The following INPP4B variants were observed in gnomAD, a reference collection of about 807,000 sequenced individuals.
INPP4B encodes the protein inositol polyphosphate 4-phosphatase type II.
INPP4B carries 55 observed loss-of-function variants against 122.5 expected under a neutral mutation model. The ratio of observed to expected loss-of-function variants is 0.45; its 90% CI spans 0.36 to 0.56. INPP4B has a LOEUF of 0.56. INPP4B is among the 20% of genes least tolerant of loss of function. The probability of loss-of-function intolerance (pLI) is 0.00; values close to 1 mark genes in which losing one functional copy is unlikely to be tolerated. For synonymous variants in INPP4B, 403 were observed against 388.7 expected, an observed-to-expected ratio of 1.04 and a Z score of -0.43; for missense variants, 1,000 against 1,097.7, an observed-to-expected ratio of 0.91 and a Z score of 1.26.
intron 9 of INPP4B, among the ~76,000 whole-genome samples, chr4:142,289,688 A>C (rs1755490652): frequency 6.6e-6 from 1 of 152,144 alleles, no homozygotes; most frequent in African/African-American, 2.4e-5. Flanking sequence ...ATCTCCATCC[A>C]TGTCCCTGCA....
intron 18 of INPP4B, among the ~76,000 whole-genome samples, chr4:142,145,118 A>G (rs1307277832): frequency 6.6e-6 from 1 of 152,136 alleles, no homozygotes; most frequent in African/African-American, 2.4e-5. Flanking sequence ...CAACAAAAAG[A>G]AAATTTCAAA....
intron 10 of INPP4B, among the ~76,000 whole-genome samples, chr4:142,268,346 A>AAAAAAAAAAAAAAAAAAAAC (rs79776246): frequency 6.9e-6 from 1 of 144,954 alleles, no homozygotes; most frequent in African/African-American, 2.5e-5. Context: ...AAAAAAAAAA[A>AAAAAAAAAAAAAAAAAAAAC]TGAGGGGTAA....
At chr4:142,044,211 C>T (rs1749972659) in intron 25 of INPP4B, among the ~76,000 whole-genome samples, 1 of 151,946 alleles carries the variant, frequency 6.6e-6, no homozygotes, top group Non-Finnish European at 1.5e-5. Flanking sequence ...AGGATCTATG[C>T]CATGGATCTA....
At chr4:142,645,929 G>A (rs953221434) in intron 2 of INPP4B, among the ~76,000 whole-genome samples, 1 of 152,098 alleles carries the variant, frequency 6.6e-6, no homozygotes, top group Non-Finnish European at 1.5e-5. Context: ...ATTTTCATAG[G>A]CTGGGACTTT....
At chr4:142,683,488 T>C (rs758323944) in intron 2 of INPP4B, among the ~76,000 whole-genome samples, 3 of 151,750 alleles carry the variant, frequency 2.0e-5, no homozygotes, top group Admixed American at 6.6e-5. Flanking sequence ...CAGAGAAACA[T>C]GCTGTAGGAG....
intron 1 of INPP4B, among the ~76,000 whole-genome samples, chr4:142,828,996 C>A (rs1454042183): frequency 2.0e-5 from 3 of 150,786 alleles, no homozygotes; most frequent in Middle Eastern, 3.5e-3. Context: ...TTCTGATGAA[C>A]TTTAGCCAGG....
chr4:142,198,170 A>AC (rs1839151350), intron 14 of INPP4B, among the ~76,000 whole-genome samples: 1 of 152,028 alleles, frequency 6.6e-6, no homozygotes, highest in Non-Finnish European at 1.5e-5. Flanking sequence ...AACTGACCGG[A>AC]CCTATATTAT....
chr4:142,807,691 A>C (rs1029564200), intron 1 of INPP4B, among the ~76,000 whole-genome samples: 2 of 152,138 alleles, frequency 1.3e-5, no homozygotes, highest in African/African-American at 4.8e-5. Flanking sequence ...TTTGTGTCCT[A>C]CTCAGCAACA....
chr4:142,085,830 G>T (rs961813526), intron 24 of INPP4B, among the ~76,000 whole-genome samples: 11 of 152,294 alleles, frequency 7.2e-5, no homozygotes, highest in African/African-American at 2.6e-4. Flanking sequence ...AAAATCCTGG[G>T]TGATACGGGC....
chr4:142,575,242 A>C (rs574607127), intron 2 of INPP4B, among the ~76,000 whole-genome samples: 13 of 152,056 alleles, frequency 8.5e-5, no homozygotes, highest in Non-Finnish European at 1.8e-4. Flanking sequence ...AGAAAAAAAA[A>C]GGGGAAATGA....
intron 2 of INPP4B, among the ~76,000 whole-genome samples, chr4:142,599,262 A>G (rs1739370560): frequency 6.6e-6 from 1 of 152,124 alleles, no homozygotes; most frequent in East Asian, 1.9e-4. Flanking sequence ...TGCTAACACC[A>G]GTGCCAACAT....
chr4:142,711,775 C>T (rs187356901), intron 2 of INPP4B, among the ~76,000 whole-genome samples: 330 of 152,160 alleles, frequency 2.2e-3, no homozygotes, highest in African/African-American at 7.1e-3. Flanking sequence ...AGGCTGGGCA[C>T]GGTGGCTCAT....
chr4:142,709,520 CA>C (rs1483789981), intron 2 of INPP4B, among the ~76,000 whole-genome samples: 4 of 152,088 alleles, frequency 2.6e-5, no homozygotes, highest in Non-Finnish European at 5.9e-5. Flanking sequence ...TTGCTGTTCT[CA>C]TAATAGTGAG....
chr4:142,275,934 C>G (rs967229487), intron 9 of INPP4B, among the ~76,000 whole-genome samples: 1 of 151,730 alleles, frequency 6.6e-6, no homozygotes, highest in Non-Finnish European at 1.5e-5. Context: ...TCCCTTTATT[C>G]TGATCTCATT....
chr4:142,351,551 T>C (rs1009039857), intron 7 of INPP4B, among the ~76,000 whole-genome samples: 4 of 152,002 alleles, frequency 2.6e-5, no homozygotes, highest in East Asian at 1.9e-4. Flanking sequence ...AATCACTTGA[T>C]AAGAGAAAAA....
intron 11 of INPP4B, among the ~76,000 whole-genome samples, chr4:142,253,800 G>C (rs1733917760): frequency 1.3e-5 from 2 of 152,184 alleles, no homozygotes; most frequent in Non-Finnish European, 2.9e-5. Flanking sequence ...CATTGCCCAG[G>C]CTTGCTTAGG....
chr4:142,483,377 T>A (rs1305800684), intron 2 of INPP4B, among the ~76,000 whole-genome samples: 1 of 151,924 alleles, frequency 6.6e-6, no homozygotes, highest in East Asian at 1.9e-4. Flanking sequence ...ACCAGTTTAT[T>A]TAGCTAAGAT....
chr4:142,149,529 A>T (rs1252807387), intron 17 of INPP4B, among the ~76,000 whole-genome samples: 3 of 152,210 alleles, frequency 2.0e-5, no homozygotes, highest in Non-Finnish European at 4.4e-5. Context: ...TGGGGTACAC[A>T]GTAGCACAAA....
intron 25 of INPP4B, among the ~76,000 whole-genome samples, chr4:142,075,596 G>A (rs1770206458): frequency 6.6e-6 from 1 of 151,920 alleles, no homozygotes; most frequent in African/African-American, 2.4e-5. Flanking sequence ...CCCCATTTTA[G>A]CAATATCCAA....
Sources: gnomAD v4.1 joint callset for allele counts (sites outside exome capture counted in the v4.1 genomes callset) on GRCh38, gnomAD v4.1.1 for gene constraint, MANE v1.5 for transcripts, NCBI Gene and HGNC (gene_info 2026-07-23, HGNC 2026-07-21) for gene names.